The following UNC13C variants were observed in gnomAD, a reference collection of about 807,000 sequenced individuals.
UNC13C encodes protein unc-13 homolog C.
In UNC13C, 174 loss-of-function variants were observed where a neutral mutation model predicts 245.4. That is an observed-to-expected ratio of 0.71 (90% CI 0.63 to 0.80). The LOEUF is 0.80. Ranked by LOEUF, UNC13C falls within the 30% of genes least tolerant of loss-of-function variation. UNC13C has a pLI of 0.00. For synonymous variants in UNC13C, 992 were observed against 895.1 expected (o/e 1.11, Z -1.93); for missense variants, 2,829 against 2,602.9 (o/e 1.09, Z -1.89).
chr15:54,158,623 C>T (rs1407744400), intron 4 of UNC13C, among the ~76,000 whole-genome samples: 3 of 151,730 alleles, frequency 2.0e-5, no homozygotes, highest in Admixed American at 6.6e-5. Context: ...TTGGCCTACT[C>T]TTTTTAATAT....
At chr15:54,450,486 C>T (rs999289552) in intron 19 of UNC13C, among the ~76,000 whole-genome samples, 1 of 152,234 alleles carries the variant, frequency 6.6e-6, no homozygotes, top group Non-Finnish European at 1.5e-5. Context: ...GCCCCTTCTC[C>T]AGCCTCGCTG....
At chr15:53,998,045 T>A (rs1420801055) in intron 1 of UNC13C, among the ~76,000 whole-genome samples, 2 of 152,140 alleles carry the variant, frequency 1.3e-5, no homozygotes, top group African/African-American at 4.8e-5. Flanking sequence ...TTAAGTGATC[T>A]TCCTACTTTG....
chr15:54,252,995 A>T (rs911716179), intron 8 of UNC13C, among the ~76,000 whole-genome samples: 1 of 152,236 alleles, frequency 6.6e-6, no homozygotes, highest in Non-Finnish European at 1.5e-5. Flanking sequence ...TCTATTAAAT[A>T]TGACAGTTTT....
At chr15:54,462,073 G>A (rs1891876311) in intron 19 of UNC13C, among the ~76,000 whole-genome samples, 2 of 152,148 alleles carry the variant, frequency 1.3e-5, no homozygotes, top group Non-Finnish European at 2.9e-5. Context: ...TGGGATACAA[G>A]CACAAAATAG....
At chr15:53,912,141 C>G in the UNC13C span, 1 of 152,206 alleles carries the variant, frequency 6.6e-6, no homozygotes, top group Admixed American at 6.5e-5. Flanking sequence ...ACAGGCAACC[C>G]AATGGAATGC....
At chr15:54,388,505 C>A (rs575363825) in intron 17 of UNC13C, among the ~76,000 whole-genome samples, 6 of 152,288 alleles carry the variant, frequency 3.9e-5, no homozygotes, top group Admixed American at 2.6e-4. Flanking sequence ...ACACTGTGCA[C>A]CACCTCTTCT....
At chr15:54,314,133 C>CGCTT (rs2037948403) in intron 13 of UNC13C, among the ~76,000 whole-genome samples, 1 of 150,836 alleles carries the variant, frequency 6.6e-6, no homozygotes, top group Non-Finnish European at 1.5e-5. Context: ...TGGTGATTAC[C>CGCTT]AGGGTCTTAG....
In UNC13C at chr15:54,250,784, T is replaced by A. The variant is rs558788430; in HGVS notation, c.3448+340T>A. On this transcript the variant is annotated intron_variant, in intron 8 of 32. Transcript: ENST00000260323. ...TTTTTTTTTTTTTTTTGAGATGGAG[T>A]CTCACTCTGTCGCCCCAGCTGGGGT... Among the ~76,000 whole-genome samples, 5 of 132,170 alleles carry A rather than the reference T, an allele frequency of 3.8e-5. No individual in the cohort carries two copies. The East Asian group carries it at 1.2e-3, about 31-fold the overall frequency. 86.7% of individuals were successfully genotyped at this position (132,170 alleles called of 152,430 possible).
At chr15:53,870,136 T>A in the UNC13C span, among the ~76,000 whole-genome samples, 1 of 152,220 alleles carries the variant, frequency 6.6e-6, no homozygotes, top group African/African-American at 2.4e-5. Flanking sequence ...TTTGAGTTCC[T>A]CATTGTCCTT....
chr15:54,353,432 T>C (rs1457154391), intron 17 of UNC13C, among the ~76,000 whole-genome samples: 1 of 152,102 alleles, frequency 6.6e-6, no homozygotes, highest in Non-Finnish European at 1.5e-5. Flanking sequence ...TCACAATCAA[T>C]CAATCAATCA....
downstream of UNC13C, chr15:54,630,392 A>G (rs543956464): frequency 3.3e-5 from 5 of 151,962 alleles, no homozygotes; most frequent in South Asian, 1.0e-3. Context: ...GGTCTTTTTT[A>G]AAAACAATGC....
At chr15:54,155,463 C>A (rs1051910722) in intron 4 of UNC13C, among the ~76,000 whole-genome samples, 1 of 151,964 alleles carries the variant, frequency 6.6e-6, no homozygotes, top group Non-Finnish European at 1.5e-5. Context: ...ATAAGAGGAG[C>A]GAGTGACTGA....
At chr15:53,987,297 G>A (rs59552006) in intron 1 of UNC13C, among the ~76,000 whole-genome samples, 4,127 of 152,058 alleles carry the variant, frequency 0.027, 214 homozygotes, top group East Asian at 0.19. Context: ...TTGGGAGGTA[G>A]TAGAAATTAT....
intron 29 of UNC13C, among the ~76,000 whole-genome samples, chr15:54,563,186 T>A (rs1316539781): frequency 9.9e-5 from 15 of 152,014 alleles, no homozygotes; most frequent in Admixed American, 9.9e-4. Context: ...CCGGGACCCT[T>A]CTAAAGCCAA....
chr15:54,184,981 C>G (rs1165470715), intron 4 of UNC13C, among the ~76,000 whole-genome samples: 1 of 152,148 alleles, frequency 6.6e-6, no homozygotes, highest in Admixed American at 6.5e-5. Context: ...GAGATGGTAT[C>G]TCACTGTGGT....
At chr15:54,232,771 G>A (rs1187177737) in intron 4 of UNC13C, among the ~76,000 whole-genome samples, 2 of 152,112 alleles carry the variant, frequency 1.3e-5, no homozygotes, top group African/African-American at 2.4e-5. Context: ...ATTTATTCAT[G>A]CATGTTTTAG....
At chr15:53,846,581 T>C in the UNC13C span, among the ~76,000 whole-genome samples, 4 of 152,190 alleles carry the variant, frequency 2.6e-5, no homozygotes, top group East Asian at 1.9e-4. Context: ...TAAATAAATT[T>C]TTGTAGGCTA....
At chr15:54,262,530 T>C (rs1010544544) in intron 8 of UNC13C, among the ~76,000 whole-genome samples, 7 of 152,230 alleles carry the variant, frequency 4.6e-5, no homozygotes, top group Admixed American at 1.3e-4. Context: ...TTAAGAATTA[T>C]GGACTGTGTA....
intron 2 of UNC13C, among the ~76,000 whole-genome samples, chr15:54,102,636 T>C (rs1484250592): frequency 6.6e-6 from 1 of 152,222 alleles, no homozygotes. Flanking sequence ...TATTTTCTAC[T>C]TTCTCAATGT....
Sources: allele counts gnomAD v4.1 joint callset (sites outside exome capture counted in the v4.1 genomes callset), GRCh38; gene constraint gnomAD v4.1.1; transcripts MANE v1.5; gene names NCBI Gene and HGNC (gene_info 2026-07-23, HGNC 2026-07-21).